Variants in KCTD8 observed in about 807,000 individuals in gnomAD.
KCTD8 encodes the protein potassium channel tetramerization domain containing 8.
In KCTD8, 27 loss-of-function variants were observed where a neutral mutation model predicts 31.5. The observed-to-expected ratio is 0.86, with a 90% CI of 0.63 to 1.18. The LOEUF (loss-of-function observed/expected upper bound fraction) is 1.18, where lower values mean the gene tolerates loss of function less well. Ranked by LOEUF, KCTD8 falls within the 50% of genes most tolerant of loss-of-function variation. The pLI, the probability that KCTD8 is intolerant of heterozygous loss-of-function variation, is 0.00. For synonymous variants in KCTD8, 290 were observed against 280.0 expected (o/e 1.04, Z -0.36); for missense variants, 658 against 647.7 (o/e 1.02, Z -0.17).
At chr4:44,274,921 G>A (rs777542941) in intron 1 of KCTD8, among the ~76,000 whole-genome samples, 2 of 151,796 alleles carry the variant, frequency 1.3e-5, no homozygotes, top group Non-Finnish European at 2.9e-5. Flanking sequence ...TATTAATGCT[G>A]CTTTATCATT....
intron 1 of KCTD8, among the ~76,000 whole-genome samples, chr4:44,297,673 A>G (rs902125507): frequency 3.3e-5 from 5 of 152,172 alleles, no homozygotes; most frequent in African/African-American, 1.2e-4. Flanking sequence ...CTCCCAAGGC[A>G]AAGCATTTCA....
chr4:44,438,665 G>A (rs1394633981), intron 1 of KCTD8, among the ~76,000 whole-genome samples: 1 of 152,140 alleles, frequency 6.6e-6, no homozygotes, highest in African/African-American at 2.4e-5. Flanking sequence ...ACTCATTAAT[G>A]ATAACAGGAC....
In KCTD8 at chr4:44,253,734, T is replaced by C. The variant is rs549612519; in HGVS notation, c.962-78484A>G. On this transcript the variant is annotated intron_variant, in intron 1 of 1. Transcript: ENST00000360029. The stretch of plus-strand genomic sequence containing the variant: ...CCTCTGATCGCAGACATATGAAAGA[T>C]CCCAAGTGAGACCAGCAGAATAACT... 2.3e-3 allele frequency among the ~76,000 whole-genome samples: 353 copies of C among 151,954 alleles called. 1 individual carries two copies. The highest frequency in any genetic ancestry group is 3.7e-3 in the Non-Finnish European group (253 of 67,844).
At chr4:44,209,559 A>C (rs1239581868) in intron 1 of KCTD8, among the ~76,000 whole-genome samples, 1 of 151,708 alleles carries the variant, frequency 6.6e-6, no homozygotes, top group Non-Finnish European at 1.5e-5. Context: ...CCACATACAC[A>C]CAGATGACTG....
rs142844891 is a variant in KCTD8, at chr4:44,191,102, C to A, written c.962-15852G>T. On this transcript the variant is annotated intron_variant, in intron 1 of 1. Coordinates refer to ENST00000360029, the MANE Select transcript of KCTD8 (RefSeq NM_198353.3). The stretch of plus-strand genomic sequence containing the variant: ...AAGATTTCATGGACATATATCAGTT[C>A]CTAAAATTAATACTTTTGTAATTTC... Among the ~76,000 whole-genome samples, 849 of 152,242 alleles carry A rather than the reference C, an allele frequency of 5.6e-3. 27 individuals are homozygous for A. Among genetic ancestry groups the A allele is most frequent in the Admixed American group, 0.049 (746 of 15,290 alleles).
At chr4:44,415,206 T>C (rs2109466566) in intron 1 of KCTD8, among the ~76,000 whole-genome samples, 1 of 152,280 alleles carries the variant, frequency 6.6e-6, no homozygotes, top group South Asian at 2.1e-4. Flanking sequence ...TGGAAGAAAT[T>C]TCTAAGCAGC....
At chr4:44,389,195 G>A (rs917362451) in intron 1 of KCTD8, among the ~76,000 whole-genome samples, 2 of 151,682 alleles carry the variant, frequency 1.3e-5, no homozygotes, top group Admixed American at 6.6e-5. Context: ...TAGATAGAAT[G>A]AATAAGATCT....
intron 1 of KCTD8, among the ~76,000 whole-genome samples, chr4:44,301,560 G>T (rs1365129222): frequency 1.3e-5 from 2 of 151,996 alleles, no homozygotes; most frequent in Non-Finnish European, 2.9e-5. Context: ...TTTTTGATGG[G>T]GTTGTTTCTT....
At chr4:44,429,739 T>A (rs1021575483) in intron 1 of KCTD8, among the ~76,000 whole-genome samples, 2 of 151,644 alleles carry the variant, frequency 1.3e-5, no homozygotes, top group Non-Finnish European at 3.0e-5. Flanking sequence ...TGTCCAAAAA[T>A]AAAAGGAATA....
intron 1 of KCTD8, among the ~76,000 whole-genome samples, chr4:44,307,113 A>G (rs1210826590): frequency 1.3e-5 from 2 of 151,986 alleles, no homozygotes; most frequent in Non-Finnish European, 2.9e-5. Context: ...ACAAATAAAG[A>G]TATTTTATTA....
chr4:44,278,292 C>G (rs2109376959), intron 1 of KCTD8, among the ~76,000 whole-genome samples: 1 of 152,116 alleles, frequency 6.6e-6, no homozygotes, highest in African/African-American at 2.4e-5. Flanking sequence ...AAATTATTCT[C>G]TACACAATAT....
intron 1 of KCTD8, among the ~76,000 whole-genome samples, chr4:44,191,042 C>T (rs749871723): frequency 3.9e-5 from 6 of 152,118 alleles, no homozygotes; most frequent in Non-Finnish European, 5.9e-5. Flanking sequence ...AATGGAGGGA[C>T]CGGCTGGAGC....
intron 1 of KCTD8, among the ~76,000 whole-genome samples, chr4:44,205,340 C>T (rs1714270629): frequency 6.6e-6 from 1 of 152,060 alleles, no homozygotes; most frequent in Admixed American, 6.6e-5. Context: ...TGAAACGTAC[C>T]TGTAGAAATT....
chr4:44,354,902 A>C (rs1359329549), intron 1 of KCTD8, among the ~76,000 whole-genome samples: 2 of 152,164 alleles, frequency 1.3e-5, no homozygotes, highest in African/African-American at 4.8e-5. Flanking sequence ...GAAAGGCAAA[A>C]AGAGTGAAAA....
intron 1 of KCTD8, among the ~76,000 whole-genome samples, chr4:44,254,591 G>A (rs1350635876): frequency 6.7e-6 from 1 of 149,712 alleles, no homozygotes; most frequent in African/African-American, 2.5e-5. Flanking sequence ...CACTTCTGTA[G>A]CCCTCAATTC....
intron 1 of KCTD8, among the ~76,000 whole-genome samples, chr4:44,253,283 T>C (rs1406323619): frequency 6.6e-6 from 1 of 151,800 alleles, no homozygotes; most frequent in Non-Finnish European, 1.5e-5. Context: ...GACAGTTTTT[T>C]TTTCTTTTTA....
chr4:44,317,455 G>A (rs1718169522), intron 1 of KCTD8, among the ~76,000 whole-genome samples: 1 of 139,878 alleles, frequency 7.1e-6, no homozygotes, highest in Non-Finnish European at 1.5e-5. Context: ...TAGCCAGGAT[G>A]GTCTCGATCT....
At chr4:44,347,417 A>G (rs760294846) in intron 1 of KCTD8, among the ~76,000 whole-genome samples, 1 of 152,158 alleles carries the variant, frequency 6.6e-6, no homozygotes, top group Non-Finnish European at 1.5e-5. Context: ...CTAGGATAAG[A>G]GTACATCCTT....
chr4:44,405,817 C>CAAAA (rs903559298), intron 1 of KCTD8, among the ~76,000 whole-genome samples: 22 of 32,228 alleles, frequency 6.8e-4, no homozygotes, highest in Non-Finnish European at 8.1e-4. Context: ...TCCTGTTTCT[C>CAAAA]AAAAAAAAAA....
Sources: allele counts gnomAD v4.1 joint callset (sites outside exome capture counted in the v4.1 genomes callset), GRCh38; gene constraint gnomAD v4.1.1; transcripts MANE v1.5; gene names NCBI Gene and HGNC (gene_info 2026-07-23, HGNC 2026-07-21).